CELF1: variants seen among roughly 807,000 people sequenced by gnomAD.
CELF1 encodes the protein 50 kDa nuclear polyadenylated RNA-binding protein.
A neutral mutation model predicts 61.8 loss-of-function variants in CELF1; 10 were observed. The observed-to-expected ratio is 0.16, with a 90% CI of 0.10 to 0.27. The LOEUF (loss-of-function observed/expected upper bound fraction) is 0.27. CELF1 is among the 10% of genes least tolerant of loss of function. The pLI, the probability that CELF1 is intolerant of heterozygous loss-of-function variation, is 1.00. For missense variants in CELF1, 380 were observed against 639.1 expected (o/e 0.59, Z 4.37); for synonymous variants, 236 against 225.1 (o/e 1.05, Z -0.43).
chr11:47,511,053 G>A (rs1053022250), intron 1 of CELF1, among the ~76,000 whole-genome samples: 3 of 152,164 alleles, frequency 2.0e-5, no homozygotes, highest in South Asian at 4.1e-4. Flanking sequence ...TGGGTGTGGT[G>A]ACATGTGTCT....
intron 4 of CELF1, 122 bp from the exon 5 acceptor site, chr11:47,487,363 G>T: frequency 1.5e-6 from 1 of 656,038 alleles, no homozygotes; most frequent in East Asian, 2.8e-5. Context: ...TTAGTGAGAG[G>T]GGGAGGGTAG....
intron 1 of CELF1, among the ~76,000 whole-genome samples, chr11:47,507,282 G>C (rs1276473157): frequency 6.6e-6 from 1 of 152,106 alleles, no homozygotes; most frequent in Admixed American, 6.6e-5. Flanking sequence ...AAAGCTAATG[G>C]CTGTATAATT....
At chr11:47,473,389 G>A (rs546062752) in intron 13 of CELF1, among the ~76,000 whole-genome samples, 158 bp from the exon 14 acceptor site, 10 of 152,246 alleles carry the variant, frequency 6.6e-5, no homozygotes, top group African/African-American at 2.4e-4. Context: ...ACAAAGCAAG[G>A]AACCAAAGGC....
intron 1 of CELF1, among the ~76,000 whole-genome samples, chr11:47,504,348 G>A (rs2094274481): frequency 6.6e-6 from 1 of 152,062 alleles, no homozygotes; most frequent in Non-Finnish European, 1.5e-5. Context: ...CACTTTGGGA[G>A]GCCAAGGCAG....
intron 3 of CELF1, among the ~76,000 whole-genome samples, chr11:47,491,616 A>G (rs2091514990): frequency 6.6e-6 from 1 of 152,170 alleles, no homozygotes; most frequent in South Asian, 2.1e-4. Flanking sequence ...CAGGTTAACT[A>G]ATCAGCTACA....
chr11:47,526,713 G>A (rs572481201), intron 1 of CELF1, among the ~76,000 whole-genome samples: 28 of 152,158 alleles, frequency 1.8e-4, no homozygotes, highest in Non-Finnish European at 3.4e-4. Context: ...AACTAGAAAT[G>A]TTTATGCTGA....
chr11:47,501,560 T>C (rs2093902038), intron 1 of CELF1, among the ~76,000 whole-genome samples: 2 of 151,944 alleles, frequency 1.3e-5, no homozygotes, highest in Admixed American at 1.3e-4. Context: ...CTGTAATCAA[T>C]CCCAACACTT....
At chr11:47,483,172 G>C (rs1413880384) in intron 8 of CELF1, among the ~76,000 whole-genome samples, 4 of 152,068 alleles carry the variant, frequency 2.6e-5, no homozygotes, top group South Asian at 2.1e-4. Context: ...GCAGAGGTAG[G>C]GGGGATCACT....
chr11:47,558,629 A>G (rs1439558913), intron 2 of CELF1, among the ~76,000 whole-genome samples: 2 of 112,316 alleles, frequency 1.8e-5, no homozygotes, highest in African/African-American at 3.5e-5. Flanking sequence ...TATAATATAT[A>G]ATATAATGTG....
At chr11:47,518,670 G>C (rs2095688061) in intron 1 of CELF1, among the ~76,000 whole-genome samples, 1 of 152,120 alleles carries the variant, frequency 6.6e-6, no homozygotes, top group Non-Finnish European at 1.5e-5. Flanking sequence ...TTCCAACTCT[G>C]CATCTCCCCT....
chr11:47,552,953 C>G (rs1435673686), intron 1 of CELF1, 39 bp downstream of exon 1: 1 of 397,716 alleles, frequency 2.5e-6, no homozygotes, highest in Non-Finnish European at 4.4e-6. Flanking sequence ...TCCCCTCCCT[C>G]CCTCCCGCGG....
At position 47,481,102 on chromosome 11, in the gene CELF1, C is replaced by CTTTTTTTTTTTTTTTT. The variant is rs1187959061; in HGVS notation, c.768+1577_768+1592dup. 2.4e-4 allele frequency among the ~76,000 whole-genome samples: 17 copies of CTTTTTTTTTTTTTTTT among 71,416 alleles called. 1 individual carries two copies. The highest frequency in any genetic ancestry group is 5.0e-4 in the Admixed American group (2 of 4,016). The allele number at this position is 71,416 out of a possible 152,430, so 46.9% of individuals were successfully genotyped here. On this transcript the variant is annotated intron_variant, in intron 9 of 14. Coordinates refer to ENST00000687097, the MANE Select transcript of CELF1 (RefSeq NM_001376376.1). ...TGGGGTTTTTTTTTTTTTTCTTCTT[C>CTTTTTTTTTTTTTTTT]TTTTTTTTTTTTTTTTTTTTTTTTT...
intron 9 of CELF1, 96 bp from the exon 10 acceptor site, chr11:47,479,048 G>GC: frequency 1.1e-6 from 1 of 945,544 alleles, no homozygotes; most frequent in South Asian, 1.4e-5. Context: ...GAGTGCAGAG[G>GC]CCCCCAGAGA....
At chr11:47,519,411 C>A (rs2095743005) in intron 1 of CELF1, among the ~76,000 whole-genome samples, 1 of 151,868 alleles carries the variant, frequency 6.6e-6, no homozygotes, top group Non-Finnish European at 1.5e-5. Context: ...AACAGGGAGG[C>A]ACAGGTTGCA....
In CELF1 at chr11:47,482,861, G is replaced by GA. The variant is rs1293962527; in HGVS notation, c.607-6dup. 6.2e-7 allele frequency: 1 copy of GA among 1,611,326 alleles called. No homozygotes were observed. The highest frequency in any genetic ancestry group is 8.5e-7 in the Non-Finnish European group (1 of 1,178,858). On this transcript the variant is annotated splice_region_variant and splice_polypyrimidine_tract_variant and intron_variant, in intron 8 of 14. Transcript: ENST00000687097. ...CACCATGGGTGATGAGCAACCCTGT[G>GA]AAAAGACCATAACGAAAGGGTCAAA...
chr11:47,539,337 G>T (rs911181560), intron 1 of CELF1, among the ~76,000 whole-genome samples: 1 of 152,192 alleles, frequency 6.6e-6, no homozygotes, highest in African/African-American at 2.4e-5. Context: ...CTGGGGCTAA[G>T]GAGGGTATGG....
chr11:47,535,698 A>C (rs1457018210), intron 1 of CELF1, among the ~76,000 whole-genome samples: 3 of 150,908 alleles, frequency 2.0e-5, no homozygotes, highest in African/African-American at 7.3e-5. Flanking sequence ...AAAAAAAATA[A>C]ATCATGTCTT....
intron 1 of CELF1, among the ~76,000 whole-genome samples, chr11:47,532,915 G>A (rs955086663): frequency 2.0e-5 from 3 of 152,116 alleles, no homozygotes; most frequent in Non-Finnish European, 4.4e-5. Context: ...CTGCAAATGT[G>A]CAACAGCATT....
intron 1 of CELF1, among the ~76,000 whole-genome samples, chr11:47,540,416 G>A (rs2096743696): frequency 6.6e-6 from 1 of 152,162 alleles, no homozygotes; most frequent in African/African-American, 2.4e-5. Flanking sequence ...AAATATCCTT[G>A]TTGAAAGCCT....
Sources: gnomAD v4.1 joint callset for allele counts (sites outside exome capture counted in the v4.1 genomes callset) on GRCh38, gnomAD v4.1.1 for gene constraint, MANE v1.5 for transcripts, NCBI Gene and HGNC (gene_info 2026-07-23, HGNC 2026-07-21) for gene names.